The following KCNC4 variants were observed in gnomAD, a reference collection of about 807,000 sequenced individuals.
The protein encoded by KCNC4 is potassium voltage-gated channel subfamily C member 4, also known as voltage-gated potassium channel KCNC4.
A neutral mutation model predicts 42.8 loss-of-function variants in KCNC4; 23 were observed. That is an observed-to-expected ratio of 0.54 (90% CI 0.39 to 0.76). The LOEUF (loss-of-function observed/expected upper bound fraction) is 0.76. KCNC4 is among the 30% of genes least tolerant of loss of function. The pLI is 0.00. For missense variants in KCNC4, 751 were observed against 898.2 expected, an observed-to-expected ratio of 0.84 and a Z score of 2.10; for synonymous variants, 422 against 393.5, an observed-to-expected ratio of 1.07 and a Z score of -0.86.
chr1:110,255,379 T>C (rs1659313235), intron 1 of KCNC4, among the ~76,000 whole-genome samples: 1 of 152,148 alleles, frequency 6.6e-6, no homozygotes. Flanking sequence ...CTCTGCAGTT[T>C]TGCATTCAAC....
At chr1:110,257,372 C>T (rs1571073383) in intron 1 of KCNC4, among the ~76,000 whole-genome samples, 2 of 151,428 alleles carry the variant, frequency 1.3e-5, no homozygotes, top group African/African-American at 4.9e-5. Flanking sequence ...TCTTTCCTGT[C>T]TAGTTCTAAA....
At chr1:110,216,918 A>T (rs762319470) in intron 1 of KCNC4, among the ~76,000 whole-genome samples, 1 of 152,174 alleles carries the variant, frequency 6.6e-6, no homozygotes, top group Non-Finnish European at 1.5e-5. Flanking sequence ...ATTACTGGGC[A>T]TATACCCTTG....
intron 3 of KCNC4, chr1:110,226,434 C>T: frequency 1.9e-6 from 1 of 528,444 alleles, no homozygotes; most frequent in Non-Finnish European, 3.5e-6. Flanking sequence ...GTAAAGGGTG[C>T]ACAAGGCCAG....
Position 110,211,752 on chromosome 1 carries a change from G to GGCA in KCNC4, c.259_261dup (p.Ser87dup), listed in dbSNP as rs1380223955. The GGCA allele has an allele frequency of 2.5e-6, 4 of 1,608,916 alleles. No individual in the cohort carries two copies. In the African/African-American group the frequency reaches 5.3e-5, roughly 21 times the overall value. ...CGATGGCGGCGGTGTGGGTAGCAGC[G>GGCA]GCAGCAGCGGCGGCGGGGGCTGCGA... On this transcript the variant is annotated inframe_insertion, in exon 1 of 4. Coordinates refer to ENST00000438661, the MANE Select transcript of KCNC4 (RefSeq NM_001039574.3). This position sits in a 1 kb window ranked among gnomAD's most constrained non-coding sequence, Gnocchi z 6.5.
intron 1 of KCNC4, chr1:110,221,224 G>A (rs1335544238): frequency 6.6e-6 from 1 of 152,208 alleles, no homozygotes; most frequent in African/African-American, 2.4e-5. Flanking sequence ...GTGGTATGAC[G>A]AAAAGGTACA....
At chr1:110,279,953 A>G (rs1659792816) in intron 1 of KCNC4, among the ~76,000 whole-genome samples, 1 of 151,622 alleles carries the variant, frequency 6.6e-6, no homozygotes, top group Non-Finnish European at 1.5e-5. Flanking sequence ...ACGCTCAGTT[A>G]ATTTTTTGTA....
chr1:110,271,995 G>A (rs973931693), intron 1 of KCNC4, among the ~76,000 whole-genome samples: 4 of 152,146 alleles, frequency 2.6e-5, no homozygotes, highest in African/African-American at 7.2e-5. Flanking sequence ...CCCCCTTCCC[G>A]CCACAATTTT....
intron 1 of KCNC4, among the ~76,000 whole-genome samples, chr1:110,268,097 A>G (rs867081182): frequency 1.3e-5 from 2 of 152,250 alleles, no homozygotes; most frequent in African/African-American, 4.8e-5. Flanking sequence ...TGTGAAACCT[A>G]AAGAACTTCC....
chr1:110,244,425 A>G (rs1659099282), exon 4 of KCNC4: 1 of 152,216 alleles, frequency 6.6e-6, no homozygotes, highest in South Asian at 2.1e-4. Flanking sequence ...GATCAGGACT[A>G]GCCTGAGGGG....
chr1:110,277,921 G>A (rs557318922), intron 1 of KCNC4, among the ~76,000 whole-genome samples: 1 of 152,312 alleles, frequency 6.6e-6, no homozygotes, highest in African/African-American at 2.4e-5. Flanking sequence ...GGAAACTGAG[G>A]CAAGATTGCT....
intron 1 of KCNC4, among the ~76,000 whole-genome samples, chr1:110,274,958 G>T (rs1475189169): frequency 6.6e-6 from 1 of 152,158 alleles, no homozygotes; most frequent in African/African-American, 2.4e-5. Context: ...TCTAGGCGAA[G>T]AATTCATGAC....
At chr1:110,232,306 T>A in intron 3 of KCNC4, 1 of 1,613,130 alleles carries the variant, frequency 6.2e-7, no homozygotes, top group Non-Finnish European at 8.5e-7. Flanking sequence ...TCCTGCCACA[T>A]TGAGGAAGGG....
chr1:110,267,790 G>A (rs1250704807), intron 1 of KCNC4, among the ~76,000 whole-genome samples: 2 of 152,160 alleles, frequency 1.3e-5, no homozygotes, highest in African/African-American at 2.4e-5. Flanking sequence ...AGGCTAAATT[G>A]GTTTTTTGCT....
At chr1:110,247,890 A>G (rs1659183533) in exon 4 of KCNC4, 1 of 152,192 alleles carries the variant, frequency 6.6e-6, no homozygotes, top group Non-Finnish European at 1.5e-5. Context: ...CCACTGGCAG[A>G]ATGTTTCGCC....
At chr1:110,232,491 A>C (rs1658746380) in intron 3 of KCNC4, 2 of 1,439,766 alleles carry the variant, frequency 1.4e-6, no homozygotes, top group Non-Finnish European at 1.8e-6. Flanking sequence ...AACTTTCCCC[A>C]CTGCCTCCAT....
chr1:110,237,867 A>G (rs1156952013), downstream of KCNC4: 1 of 152,224 alleles, frequency 6.6e-6, no homozygotes. Context: ...TCCAGTGCCC[A>G]CCCTCGTGGG....
At position 110,226,320 on chromosome 1, in the gene KCNC4, A is replaced by G. The variant is rs764038164; in HGVS notation, c.1819+142A>G. 1.3e-5 allele frequency: 9 copies of G among 692,856 alleles called. No homozygotes were observed. In the East Asian group the frequency reaches 2.4e-4, roughly 19 times the overall value. 42.9% of individuals were successfully genotyped at this position (692,856 alleles called of 1,614,324 possible). On this transcript the variant is annotated intron_variant, in intron 3 of 3. Coordinates refer to ENST00000438661, the MANE Select transcript of KCNC4 (RefSeq NM_001039574.3). ...CCTTGGATGCACCCCCACTTTTAGAATGGGTACCTGATCTCCCAGTCCCTG... is the reference window on the plus strand; with the variant it reads ...CCTTGGATGCACCCCCACTTTTAGAGTGGGTACCTGATCTCCCAGTCCCTG...
At chr1:110,250,021 C>A (rs945711320), downstream of KCNC4, among the ~76,000 whole-genome samples, 2 of 152,196 alleles carry the variant, frequency 1.3e-5, no homozygotes, top group African/African-American at 4.8e-5. Context: ...TCAGCGAACA[C>A]TTTCCTTAAT....
chr1:110,278,637 A>G (rs779286681), intron 1 of KCNC4, among the ~76,000 whole-genome samples: 3 of 152,148 alleles, frequency 2.0e-5, no homozygotes, highest in Non-Finnish European at 4.4e-5. Flanking sequence ...CTGAGTTTTA[A>G]TGGCAAGGCC....
Sources: gnomAD v4.1 joint callset for allele counts (sites outside exome capture counted in the v4.1 genomes callset) on GRCh38, gnomAD v4.1.1 for gene constraint, Gnocchi (gnomAD v3.1) non-coding constraint, MANE v1.5 for transcripts, NCBI Gene and HGNC (gene_info 2026-07-23, HGNC 2026-07-21) for gene names.